The following PRRC2B variants were observed in gnomAD, a reference collection of about 807,000 sequenced individuals.
PRRC2B encodes protein PRRC2B.
In PRRC2B, 68 loss-of-function variants were observed where a neutral mutation model predicts 242.3. The ratio of observed to expected loss-of-function variants is 0.28; its 90% confidence interval spans 0.23 to 0.34. The LOEUF (loss-of-function observed/expected upper bound fraction) is 0.34, where lower values mean the gene tolerates loss of function less well. Ranked by LOEUF, PRRC2B falls within the 10% of genes least tolerant of loss-of-function variation. The pLI, the probability that PRRC2B is intolerant of heterozygous loss-of-function variation, is 1.00. For synonymous variants in PRRC2B, 1,228 were observed against 1,173.6 expected (o/e 1.05, Z -0.95); for missense variants, 2,835 against 2,954.8 (o/e 0.96, Z 0.94).
In PRRC2B at chr9:131,432,720, C is replaced by A; in HGVS notation, c.219C>A (p.Asn73Lys). Reference sequence around the variant, plus strand: ...GCTTGAAGTCTGAAAACAAAGGAAACGACCCCAACATCGTGATAGTACCCA... The same window carrying A: ...GCTTGAAGTCTGAAAACAAAGGAAAAGACCCCAACATCGTGATAGTACCCA... ...LPSLKSENKG[N>K]DPNIVIVPKD... is the part of the protein sequence containing the mutation. The change falls in exon 3 of 32, where the codon AAC (asparagine) becomes AAA (lysine). Residue 73 changes from asparagine (N) to lysine (K), a missense_variant. Transcript: ENST00000683519. The A allele has an allele frequency of 6.2e-7, 1 of 1,614,048 alleles. No homozygotes were observed. Among genetic ancestry groups the A allele is most frequent in the Non-Finnish European group, 8.5e-7 (1 of 1,179,908 alleles).
rs1588276449 is a variant in PRRC2B at position 131,478,853 on chromosome 9, T to C, written c.4758+234T>C. On this transcript the variant is annotated intron_variant, in intron 18 of 31. Transcript: ENST00000683519. ...TTATGCAGTGGAAGAAACCGAGTCT[T>C]GAAGAGGGTGACTTCTCTAGGGTGA... Among the ~76,000 whole-genome samples the C allele has an allele frequency of 2.0e-5, 3 of 152,272 alleles. No individual in the cohort carries two copies. The East Asian group carries it at 5.8e-4, about 29-fold the overall frequency.
chr9:131,470,705 G>T, intron 13 of PRRC2B, 83 bp from the exon 14 acceptor site: 1 of 1,187,820 alleles, frequency 8.4e-7, no homozygotes, highest in Non-Finnish European at 1.2e-6. Flanking sequence ...CTGCCAGCTG[G>T]AAAGCTGGAA....
At chr9:131,437,422 C>G (rs1403545181) in intron 4 of PRRC2B, among the ~76,000 whole-genome samples, 3 of 152,246 alleles carry the variant, frequency 2.0e-5, no homozygotes, top group Non-Finnish European at 4.4e-5. Flanking sequence ...CTCAGTCCAT[C>G]AGAGCCTGGC....
At chr9:131,454,229 C>G (rs1297425423) in intron 9 of PRRC2B, among the ~76,000 whole-genome samples, 5 of 152,130 alleles carry the variant, frequency 3.3e-5, no homozygotes, top group African/African-American at 1.2e-4. Context: ...AAATAATATT[C>G]CATTGTGTGG....
intron 29 of PRRC2B, 80 bp downstream of exon 29, chr9:131,491,660 G>A: frequency 7.4e-7 from 1 of 1,351,022 alleles, no homozygotes; most frequent in Non-Finnish European, 1.0e-6. Context: ...AAGTACCCCT[G>A]TGTGGTAGAA....
In PRRC2B at chr9:131,487,403, T is replaced by TTG; in HGVS notation, c.5984+109_5984+110insTG. On this transcript the variant is annotated intron_variant, in intron 27 of 31. Coordinates refer to ENST00000683519, the MANE Select transcript of PRRC2B (RefSeq NM_013318.4). This position sits in a 1 kb window ranked among gnomAD's most constrained non-coding sequence, Gnocchi z 5.3. ...TGGTGCTTGTCTGCTTTGGGGCCAG[T>TTG]GGGGCGGGGAGGGGTGGGAGTTTGC... 1 of 460,174 alleles carries TTG rather than the reference T, an allele frequency of 2.2e-6. No individual in the cohort carries two copies. 28.5% of individuals were successfully genotyped at this position (460,174 alleles called of 1,614,324 possible). A position where few individuals can be genotyped will look rare whatever the true frequency, so the allele number is the denominator to read the frequency against.
chr9:131,464,711 G>A, intron 11 of PRRC2B, 52 bp from the exon 12 acceptor site: 2 of 1,484,984 alleles, frequency 1.3e-6, no homozygotes, highest in Non-Finnish European at 1.8e-6. Flanking sequence ...AGTGGTTCCT[G>A]TATCCCGGGT....
Position 131,385,218 on chromosome 9 carries a change from A to G in PRRC2B, c.-56+11487A>G, listed in dbSNP as rs61202011. Reference sequence around the variant, plus strand: ...CAGCCGGGCACTGTGGCACATGCCTATAATCCCAGCTACTTGGGAGGCTGA... The same window carrying G: ...CAGCCGGGCACTGTGGCACATGCCTGTAATCCCAGCTACTTGGGAGGCTGA... On this transcript the variant is annotated intron_variant, in intron 1 of 1. Transcript: ENST00000682525. Among the ~76,000 whole-genome samples the G allele has an allele frequency of 6.6e-4, 98 of 149,120 alleles. 6 individuals are homozygous for G. The highest frequency in any genetic ancestry group is 1.3e-3 in the Non-Finnish European group (85 of 67,092).
chr9:131,427,336 T>C (rs1838003431), intron 1 of PRRC2B, among the ~76,000 whole-genome samples: 2 of 151,984 alleles, frequency 1.3e-5, no homozygotes, highest in Admixed American at 1.3e-4. Context: ...GTTGTGTGTG[T>C]GTGTGTGTTT....
At chr9:131,408,952 C>A (rs1837436657) in intron 1 of PRRC2B, among the ~76,000 whole-genome samples, 1 of 151,142 alleles carries the variant, frequency 6.6e-6, no homozygotes. Context: ...CTCCCAACCT[C>A]AGGTGATCCA....
chr9:131,481,311 C>CA (rs11404767), intron 19 of PRRC2B, among the ~76,000 whole-genome samples: 47,273 of 79,272 alleles, frequency 0.6, 14,765 homozygotes, highest in East Asian at 0.86. Context: ...ACTCCGTCTC[C>CA]AAAAAAAAAA....
chr9:131,491,849 T>C (rs1251505270), intron 29 of PRRC2B, among the ~76,000 whole-genome samples: 1 of 152,200 alleles, frequency 6.6e-6, no homozygotes, highest in African/African-American at 2.4e-5. Flanking sequence ...GCTCTCCCAC[T>C]TCACTTTAAA....
At chr9:131,415,706 C>T (rs1471279855) in intron 1 of PRRC2B, among the ~76,000 whole-genome samples, 3 of 152,188 alleles carry the variant, frequency 2.0e-5, no homozygotes, top group Admixed American at 1.3e-4. Flanking sequence ...ATTGTTGCTC[C>T]TGAGAACTCA....
chr9:131,488,931 T>TC (rs1329111064), intron 28 of PRRC2B, among the ~76,000 whole-genome samples: 1 of 152,184 alleles, frequency 6.6e-6, no homozygotes, highest in Non-Finnish European at 1.5e-5. Context: ...ACTCTCCTGT[T>TC]CCAGTTCCTA....
chr9:131,474,396 A>G, intron 15 of PRRC2B, 58 bp from the exon 16 acceptor site: 2 of 1,444,022 alleles, frequency 1.4e-6, no homozygotes, highest in Non-Finnish European at 1.9e-6. Context: ...TGTGTTCAGC[A>G]TGGAAACCAG....
At chr9:131,486,740 T>TG (rs1169929351) in intron 26 of PRRC2B, among the ~76,000 whole-genome samples, 33 of 152,358 alleles carry the variant, frequency 2.2e-4, no homozygotes, top group African/African-American at 7.0e-4. Context: ...AGTGCAGGCT[T>TG]GCTGATGGAG....
chr9:131,444,917 G>C (rs1260535054), intron 6 of PRRC2B, among the ~76,000 whole-genome samples: 1 of 152,190 alleles, frequency 6.6e-6, no homozygotes, highest in Non-Finnish European at 1.5e-5. Context: ...GGTTAAGGTG[G>C]TGTTTAGGAA....
intron 23 of PRRC2B, 96 bp downstream of exon 23, chr9:131,483,541 C>A: frequency 1.8e-6 from 2 of 1,096,504 alleles, no homozygotes; most frequent in Non-Finnish European, 2.8e-6. Context: ...CTGACCTGGG[C>A]TGGCACGTGA....
chr9:131,482,281 G>A lies in PRRC2B; in HGVS notation c.4984-90G>A. ...ACTTGGCAAGGGACAGGCAGCTGGG[G>A]TAGAAAAGTCTCTGTGCCACATGCA... is the stretch of plus-strand genomic sequence containing the variant. On this transcript the variant is annotated intron_variant, in intron 20 of 31. Transcript: ENST00000683519. The surrounding 1 kb of genome is among the most constrained non-coding windows in gnomAD (Gnocchi z 5.2). The A allele has an allele frequency of 1.4e-6, 2 of 1,382,916 alleles. No individual in the cohort carries two copies. The highest frequency in any genetic ancestry group is 1.4e-5 in the African/African-American group (1 of 69,186). 85.7% of individuals were successfully genotyped at this position (1,382,916 alleles called of 1,614,324 possible). A position where few individuals can be genotyped will look rare whatever the true frequency, so the allele number is the denominator to read the frequency against.
Sources: gnomAD v4.1 joint callset for allele counts (sites outside exome capture counted in the v4.1 genomes callset) on GRCh38, gnomAD v4.1.1 for gene constraint, Gnocchi (gnomAD v3.1) non-coding constraint, MANE v1.5 for transcripts, NCBI Gene and HGNC (gene_info 2026-07-23, HGNC 2026-07-21) for gene names.